ZNF407: variants seen among roughly 807,000 people sequenced by gnomAD.
The protein encoded by ZNF407 is zinc finger protein 407.
ZNF407 carries 17 observed loss-of-function variants against 131.2 expected under a neutral mutation model. The observed-to-expected ratio is 0.13, with a 90% CI of 0.09 to 0.19. The LOEUF is 0.19. Among genes scored for constraint, ZNF407 ranks in the 10% least tolerant of loss-of-function variants. The probability of loss-of-function intolerance (pLI) is 1.00; values close to 1 mark genes in which losing one functional copy is unlikely to be tolerated. For synonymous variants in ZNF407, 1,156 were observed against 1,062.0 expected, an observed-to-expected ratio of 1.09 and a Z score of -1.72; for missense variants, 2,681 against 2,830.6, an observed-to-expected ratio of 0.95 and a Z score of 1.20.
chr18:75,008,347 G>A (rs775732834), intron 8 of ZNF407, among the ~76,000 whole-genome samples: 1 of 152,180 alleles, frequency 6.6e-6, no homozygotes, highest in Non-Finnish European at 1.5e-5. Flanking sequence ...CTGTGAAGCT[G>A]CAAAGAAGGA....
intron 8 of ZNF407, among the ~76,000 whole-genome samples, chr18:74,972,415 C>T (rs1467138534): frequency 6.6e-6 from 1 of 152,186 alleles, no homozygotes; most frequent in Non-Finnish European, 1.5e-5. Context: ...TCTGCTCTTC[C>T]TCCTCTCCCT....
intron 8 of ZNF407, among the ~76,000 whole-genome samples, chr18:75,057,510 A>T (rs960253705): frequency 6.6e-6 from 1 of 152,222 alleles, no homozygotes; most frequent in African/African-American, 2.4e-5. Flanking sequence ...GGCTTCCACA[A>T]ATTACTTGCC....
At chr18:74,955,912 A>T (rs1830377018) in intron 8 of ZNF407, among the ~76,000 whole-genome samples, 1 of 152,196 alleles carries the variant, frequency 6.6e-6, no homozygotes, top group Admixed American at 6.5e-5. Context: ...CAGTGGCAAG[A>T]CCATACTTTT....
rs534209209 is a variant in ZNF407, at chr18:74,913,272, G to T, written c.5250-7242G>T. On this transcript the variant is annotated intron_variant, in intron 7 of 8. Transcript: ENST00000299687. ...CTACAGGATTATTCACTGGAACCTT[G>T]TTTATACTAGCAAATGATTGGAAAC... Among the ~76,000 whole-genome samples, 4 of 152,354 alleles carry T rather than the reference G, an allele frequency of 2.6e-5. No homozygotes were observed. In the East Asian group the frequency reaches 7.7e-4, roughly 29 times the overall value.
intron 4 of ZNF407, among the ~76,000 whole-genome samples, chr18:74,857,394 C>T (rs981117618): frequency 6.6e-6 from 1 of 152,134 alleles, no homozygotes; most frequent in African/African-American, 2.4e-5. Flanking sequence ...AGATGGTTAA[C>T]TTTCTGATAA....
At chr18:75,003,289 G>A (rs1434594580) in intron 8 of ZNF407, among the ~76,000 whole-genome samples, 1 of 152,222 alleles carries the variant, frequency 6.6e-6, no homozygotes, top group African/African-American at 2.4e-5. Context: ...GTGACTCAGT[G>A]TGTTTGACAG....
At chr18:74,799,686 T>C (rs1275079959) in intron 4 of ZNF407, among the ~76,000 whole-genome samples, 1 of 152,070 alleles carries the variant, frequency 6.6e-6, no homozygotes, top group Non-Finnish European at 1.5e-5. Flanking sequence ...TGTGCATTTA[T>C]ATTGTTTGGA....
At chr18:74,989,056 G>A (rs111531515) in intron 8 of ZNF407, among the ~76,000 whole-genome samples, 6 of 152,156 alleles carry the variant, frequency 3.9e-5, no homozygotes, top group African/African-American at 1.4e-4. Context: ...TCAAGTAATC[G>A]AAAGTTAGAA....
At chr18:74,961,919 G>A (rs1016720009) in intron 8 of ZNF407, among the ~76,000 whole-genome samples, 5 of 151,762 alleles carry the variant, frequency 3.3e-5, no homozygotes, top group Non-Finnish European at 7.4e-5. Flanking sequence ...CTTCTGTGAC[G>A]TTTTGGGAAC....
intron 4 of ZNF407, among the ~76,000 whole-genome samples, chr18:74,788,718 A>G (rs1969768856): frequency 6.6e-6 from 1 of 150,440 alleles, no homozygotes. Flanking sequence ...CAGAAAATAG[A>G]TTTTGTTTCT....
intron 4 of ZNF407, among the ~76,000 whole-genome samples, chr18:74,861,309 G>C (rs1970933959): frequency 6.6e-6 from 1 of 152,200 alleles, no homozygotes; most frequent in Admixed American, 6.5e-5. Context: ...TGCTTTATCT[G>C]ACAGACAGTG....
chr18:74,981,179 C>T (rs1972588338), intron 8 of ZNF407, among the ~76,000 whole-genome samples: 1 of 152,244 alleles, frequency 6.6e-6, no homozygotes, highest in Non-Finnish European at 1.5e-5. Flanking sequence ...TCTTGATACT[C>T]AACGCCCAAG....
At chr18:74,987,594 G>A (rs952652318) in intron 8 of ZNF407, among the ~76,000 whole-genome samples, 2 of 152,040 alleles carry the variant, frequency 1.3e-5, no homozygotes, top group African/African-American at 2.4e-5. Flanking sequence ...AATATGATGT[G>A]AACTCTGAGG....
chr18:74,749,546 T>C (rs1027381544), intron 3 of ZNF407, among the ~76,000 whole-genome samples: 4 of 152,186 alleles, frequency 2.6e-5, no homozygotes, highest in Admixed American at 2.0e-4. Context: ...GTCTTTGTTA[T>C]CTGTTGTGAA....
At chr18:74,598,758 A>T (rs1197979163) in intron 1 of ZNF407, among the ~76,000 whole-genome samples, 1 of 152,174 alleles carries the variant, frequency 6.6e-6, no homozygotes, top group Non-Finnish European at 1.5e-5. Flanking sequence ...GTAGATGCTC[A>T]CCTCTTTCCA....
At chr18:74,798,209 A>AACACACACACACACAC (rs35388545) in intron 4 of ZNF407, among the ~76,000 whole-genome samples, 1,632 of 147,906 alleles carry the variant, frequency 0.011, 16 homozygotes, top group Middle Eastern at 0.024. Context: ...CCTTTACACA[A>AACACACACACACACAC]ACACACACAC....
At chr18:74,910,158 A>G (rs1367802012) in intron 7 of ZNF407, among the ~76,000 whole-genome samples, 2 of 152,174 alleles carry the variant, frequency 1.3e-5, no homozygotes. Context: ...GGGACTGACA[A>G]TATTGTACTC....
chr18:75,045,193 G>GA (rs1458868678), intron 8 of ZNF407, among the ~76,000 whole-genome samples: 2 of 152,058 alleles, frequency 1.3e-5, no homozygotes, highest in Non-Finnish European at 2.9e-5. Flanking sequence ...ACACGTGTAT[G>GA]AAAAAATGTG....
At chr18:74,648,780 C>G (rs539364890) in intron 3 of ZNF407, among the ~76,000 whole-genome samples, 1 of 152,212 alleles carries the variant, frequency 6.6e-6, no homozygotes, top group Non-Finnish European at 1.5e-5. Flanking sequence ...TACCATGGTA[C>G]CAGATGCTGT....
Sources: allele counts gnomAD v4.1 joint callset (sites outside exome capture counted in the v4.1 genomes callset), GRCh38; gene constraint gnomAD v4.1.1; transcripts MANE v1.5; gene names NCBI Gene and HGNC (gene_info 2026-07-23, HGNC 2026-07-21).